The following GFRA2 variants were observed in gnomAD, a reference collection of about 807,000 sequenced individuals.
GFRA2 encodes the protein GDNF family receptor alpha 2.
GFRA2 carries 17 observed loss-of-function variants against 48.3 expected under a neutral mutation model. That is an observed-to-expected ratio of 0.35 (90% CI 0.24 to 0.53). GFRA2 has a LOEUF of 0.53. Among genes scored for constraint, GFRA2 ranks in the 20% least tolerant of loss-of-function variants. The pLI is 0.93. For synonymous variants in GFRA2, 305 were observed against 257.2 expected (o/e 1.19, Z -1.78); for missense variants, 660 against 637.3 (o/e 1.04, Z -0.38).
intron 3 of GFRA2, among the ~76,000 whole-genome samples, chr8:21,756,206 T>TC (rs1311926668): frequency 6.6e-6 from 1 of 152,210 alleles, no homozygotes; most frequent in Non-Finnish European, 1.5e-5. Flanking sequence ...AATTATAGCC[T>TC]CCGTGGCTTC....
In GFRA2 at chr8:21,693,046, C is replaced by A. The variant is rs1251332352; in HGVS notation, c.*232G>T. 4 of 369,032 alleles carry A rather than the reference C, an allele frequency of 1.1e-5. No individual in the cohort carries two copies. Among genetic ancestry groups the A allele is most frequent in the Non-Finnish European group, 2.0e-5 (4 of 204,516 alleles). 22.9% of individuals were successfully genotyped at this position (369,032 alleles called of 1,614,324 possible). On this transcript the variant is annotated 3_prime_UTR_variant, in exon 9 of 9. Coordinates refer to ENST00000524240, the MANE Select transcript of GFRA2 (RefSeq NM_001495.5). ...CGTGCCCTCCCCGGCACCAGAGTTT[C>A]CCCTGCCAGGGGACCCCTGGGCCAG... is the stretch of plus-strand genomic sequence containing the variant.
chr8:21,700,950 T>C (rs1045484215), intron 7 of GFRA2, among the ~76,000 whole-genome samples: 7 of 152,072 alleles, frequency 4.6e-5, no homozygotes, highest in African/African-American at 1.7e-4. Context: ...CAATCAGAGA[T>C]GGTCCAAGCT....
intron 7 of GFRA2, among the ~76,000 whole-genome samples, chr8:21,695,087 A>C (rs1029924857): frequency 6.6e-6 from 1 of 152,180 alleles, no homozygotes; most frequent in Admixed American, 6.5e-5. Flanking sequence ...CATTAGGTGG[A>C]TATCTGGCAA....
intron 4 of GFRA2, among the ~76,000 whole-genome samples, chr8:21,719,025 T>A (rs890506771): frequency 4.0e-5 from 6 of 151,636 alleles, no homozygotes; most frequent in African/African-American, 1.5e-4. Context: ...TGGCCCCCCC[T>A]TGCCATCCAG....
chr8:21,755,911 C>A (rs750866605), intron 3 of GFRA2, among the ~76,000 whole-genome samples: 17 of 152,242 alleles, frequency 1.1e-4, no homozygotes, highest in Non-Finnish European at 2.2e-4. Context: ...AGAAGGATCC[C>A]AGGATGCCTG....
chr8:21,693,519 C>T (rs932110480), intron 8 of GFRA2, 119 bp from the exon 9 acceptor site: 3 of 902,282 alleles, frequency 3.3e-6, no homozygotes, highest in Non-Finnish European at 3.3e-6. Flanking sequence ...AAGCCCCTGT[C>T]CTCTCTTCCA....
chr8:21,708,525 T>A (rs1802861496), intron 4 of GFRA2, among the ~76,000 whole-genome samples: 2 of 152,124 alleles, frequency 1.3e-5, no homozygotes, highest in African/African-American at 4.8e-5. Context: ...CAAAAAAAGT[T>A]GCAGTTTTAA....
intron 5 of GFRA2, among the ~76,000 whole-genome samples, chr8:21,705,400 T>G (rs1802690152): frequency 6.6e-6 from 1 of 151,894 alleles, no homozygotes; most frequent in Admixed American, 6.6e-5. Context: ...CCTCCCAGAG[T>G]GTGGGCCCTT....
chr8:21,696,292 G>A (rs182312242), intron 7 of GFRA2, among the ~76,000 whole-genome samples: 8 of 151,408 alleles, frequency 5.3e-5, no homozygotes, highest in Non-Finnish European at 8.8e-5. Context: ...CTGCACTCAA[G>A]ATCCTCACCC....
chr8:21,707,523 G>A (rs1802808758), intron 4 of GFRA2, among the ~76,000 whole-genome samples: 1 of 152,168 alleles, frequency 6.6e-6, no homozygotes, highest in African/African-American at 2.4e-5. Context: ...AGGCCCCCGC[G>A]ATCCTGAGGG....
At chr8:21,776,828 C>T (rs1324769030) in intron 2 of GFRA2, among the ~76,000 whole-genome samples, 1 of 152,002 alleles carries the variant, frequency 6.6e-6, no homozygotes, top group Admixed American at 6.6e-5. Flanking sequence ...GCCTTTGGGC[C>T]CCTGTCCAGC....
rs1585214145 is a variant in GFRA2 at position 21,692,993 on chromosome 8, G to A, written c.*285C>T. The stretch of plus-strand genomic sequence containing the variant: ...AAGGGTCCAGAGAGAAAAACACCAG[G>A]AGAAAGTGAAGGGCATTTCTAGAGC... On this transcript the variant is annotated 3_prime_UTR_variant, in exon 9 of 9. Coordinates refer to ENST00000524240, the MANE Select transcript of GFRA2 (RefSeq NM_001495.5). The A allele has an allele frequency of 4.0e-6, 1 of 248,964 alleles. No individual in the cohort carries two copies. The highest frequency in any genetic ancestry group is 2.3e-5 in the African/African-American group (1 of 44,090). 15.4% of individuals were successfully genotyped at this position (248,964 alleles called of 1,614,324 possible).
intron 7 of GFRA2, 97 bp from the exon 8 acceptor site, chr8:21,694,614 G>T: frequency 2.7e-6 from 3 of 1,094,508 alleles, no homozygotes; most frequent in Non-Finnish European, 2.7e-6. Context: ...TGCACTGTTG[G>T]CTCCGCTAAG....
chr8:21,782,486 G>C lies in GFRA2; in HGVS notation c.355+99C>G, dbSNP rs76907330. The C allele has an allele frequency of 5.2e-3, 4,686 of 907,922 alleles. 266 individuals carry two copies. The East Asian group carries it at 0.11, about 21-fold the overall frequency. 56.2% of individuals were successfully genotyped at this position (907,922 alleles called of 1,614,324 possible). ...AGACATAGAGAGCTGGCCAGTTTGCGCCACCACCTAGTCCTCCCTCCTGAA... is the reference window on the plus strand; with the variant it reads ...AGACATAGAGAGCTGGCCAGTTTGCCCCACCACCTAGTCCTCCCTCCTGAA... On this transcript the variant is annotated intron_variant, in intron 2 of 8. Transcript: ENST00000524240.
chr8:21,791,648 A>C (rs1162405925), upstream of GFRA2, among the ~76,000 whole-genome samples: 1 of 152,228 alleles, frequency 6.6e-6, no homozygotes, highest in African/African-American at 2.4e-5. Flanking sequence ...TCATCTATAA[A>C]ATGGGGATTA....
upstream of GFRA2, among the ~76,000 whole-genome samples, chr8:21,791,808 G>A (rs1807578626): frequency 6.6e-6 from 1 of 152,180 alleles, no homozygotes; most frequent in African/African-American, 2.4e-5. Context: ...AACCTAAGGG[G>A]CAAATGAGAA....
At chr8:21,775,402 C>T (rs1018445466) in intron 2 of GFRA2, among the ~76,000 whole-genome samples, 1 of 152,196 alleles carries the variant, frequency 6.6e-6, no homozygotes, top group Non-Finnish European at 1.5e-5. Flanking sequence ...TGCTGGCCCA[C>T]GTAAGGCCAG....
chr8:21,754,490 A>G (rs1056808242), intron 3 of GFRA2, among the ~76,000 whole-genome samples: 5 of 150,202 alleles, frequency 3.3e-5, no homozygotes, highest in East Asian at 2.0e-4. Context: ...CTGACCAACA[A>G]TGGTCTTTTT....
At chr8:21,719,268 G>A (rs1803483296) in intron 4 of GFRA2, among the ~76,000 whole-genome samples, 1 of 152,038 alleles carries the variant, frequency 6.6e-6, no homozygotes, top group South Asian at 2.1e-4. Context: ...CCAAGTCCAC[G>A]TGGATCTTCC....
Sources: gnomAD v4.1 joint callset for allele counts (sites outside exome capture counted in the v4.1 genomes callset) on GRCh38, gnomAD v4.1.1 for gene constraint, MANE v1.5 for transcripts, NCBI Gene and HGNC (gene_info 2026-07-23, HGNC 2026-07-21) for gene names.